The following GRM6 variants were observed in gnomAD, a reference collection of about 807,000 sequenced individuals.
GRM6 encodes the protein glutamate metabotropic receptor 6, also known as metabotropic glutamate receptor 6.
A neutral mutation model predicts 78.4 loss-of-function variants in GRM6; 73 were observed. The observed-to-expected ratio is 0.93, with a 90% confidence interval of 0.77 to 1.13. The LOEUF (loss-of-function observed/expected upper bound fraction) is 1.13. Ranked by LOEUF, GRM6 falls within the 50% of genes most tolerant of loss-of-function variation. GRM6 has a pLI of 0.00. For missense variants in GRM6, 1,251 were observed against 1,256.4 expected (o/e 1.00, Z 0.07); for synonymous variants, 580 against 555.0 (o/e 1.05, Z -0.63).
At position 178,986,463 on chromosome 5, in the gene GRM6, G is replaced by C; in HGVS notation, c.1791C>G (p.Ile597Met). ...APPLLLAVLGIVATTTVVATF... is the reference protein window; with the variant it reads ...APPLLLAVLGMVATTTVVATF... ...TGGCCACCACCGTGGTAGTGGCCAC[G>C]ATGCCCAGCACGGCCAGGAGGAGCG... The change falls in exon 9 of 11, where the codon ATC (isoleucine) becomes ATG (methionine). Residue 597 changes from isoleucine to methionine, a missense_variant. Ile to Met is a conservative substitution (Grantham distance 10). Coordinates refer to ENST00000517717, the MANE Select transcript of GRM6 (RefSeq NM_000843.4). The C allele has an allele frequency of 1.2e-6, 2 of 1,612,600 alleles. No homozygotes were observed. The highest frequency in any genetic ancestry group is 1.1e-5 in the South Asian group (1 of 91,048).
At chr5:178,983,604 G>A (rs1157079649) in intron 9 of GRM6, 1 of 404,352 alleles carries the variant, frequency 2.5e-6, no homozygotes, top group Non-Finnish European at 4.9e-6. Flanking sequence ...CTCTGGAACT[G>A]AGGCCCTACT....
Position 178,994,831 on chromosome 5 carries a change from G to A in GRM6, c.114C>T (p.Gly38=). The A allele has an allele frequency of 8.1e-7, 1 of 1,233,280 alleles. No homozygotes were observed. The highest frequency in any genetic ancestry group is 2.9e-5 in the South Asian group (1 of 35,064). 76.4% of individuals were successfully genotyped at this position (1,233,280 alleles called of 1,614,324 possible). A position where few individuals can be genotyped will look rare whatever the true frequency, so the allele number is the denominator to read the frequency against. The change falls in exon 2 of 11, where the codon GGC becomes GGT. Residue 38 remains glycine, a synonymous_variant. Coordinates refer to ENST00000517717, the MANE Select transcript of GRM6 (RefSeq NM_000843.4). ...RAAGSVRLAG[G]LTLGGLFPVH... ...CCGGGAACAGGCCGCCCAGCGTCAG[G>A]CCGCCCGCCAGGCGCACAGAGCCCG... is the stretch of plus-strand genomic sequence containing the variant.
In GRM6 at chr5:178,991,807, A is replaced by T. The variant is rs560337849; in HGVS notation, c.721+60T>A. ...CCCCCATCTTTCTGCTTCTGCCCCAACTGAGGGCCCCGGGCCCACACTATG... is the reference window on the plus strand; with the variant it reads ...CCCCCATCTTTCTGCTTCTGCCCCATCTGAGGGCCCCGGGCCCACACTATG... On this transcript the variant is annotated intron_variant, in intron 3 of 10. Coordinates refer to ENST00000517717, the MANE Select transcript of GRM6 (RefSeq NM_000843.4). The surrounding 1 kb of genome is among the most constrained non-coding windows in gnomAD (Gnocchi z 5.0). The T allele has an allele frequency of 6.9e-7, 1 of 1,444,822 alleles. No homozygotes were observed. The highest frequency in any genetic ancestry group is 2.3e-5 in the East Asian group (1 of 42,618). 89.5% of individuals were successfully genotyped at this position (1,444,822 alleles called of 1,614,324 possible). A position where few individuals can be genotyped will look rare whatever the true frequency, so the allele number is the denominator to read the frequency against.
intron 10 of GRM6, among the ~76,000 whole-genome samples, chr5:178,982,103 G>A (rs191922065): frequency 7.9e-5 from 12 of 152,300 alleles, no homozygotes; most frequent in East Asian, 1.9e-4. Context: ...CTGGGGAAGC[G>A]GGAGCCGGGG....
At chr5:178,985,595 C>A (rs188943932) in intron 9 of GRM6, 39 of 347,072 alleles carry the variant, frequency 1.1e-4, no homozygotes, top group Admixed American at 3.6e-4. Context: ...CCCAGCTACT[C>A]GGGAGGCTGA....
chr5:178,991,730 C>T lies in GRM6; in HGVS notation c.721+137G>A. 1 of 1,114,052 alleles carries T rather than the reference C, an allele frequency of 9.0e-7. No individual in the cohort carries two copies. The highest frequency in any genetic ancestry group is 1.3e-6 in the Non-Finnish European group (1 of 742,508). The allele number at this position is 1,114,052 out of a possible 1,614,324, so 69.0% of individuals were successfully genotyped here. ...CTGAGTCGTCCAAAACAAAGAGGTCCCGCCCACATGGAGCACCAGCCAGGC... is the reference window on the plus strand; with the variant it reads ...CTGAGTCGTCCAAAACAAAGAGGTCTCGCCCACATGGAGCACCAGCCAGGC... On this transcript the variant is annotated intron_variant, in intron 3 of 10. Coordinates refer to ENST00000517717, the MANE Select transcript of GRM6 (RefSeq NM_000843.4). This position sits in a 1 kb window ranked among gnomAD's most constrained non-coding sequence, Gnocchi z 5.0.
At position 178,982,855 on chromosome 5, in the gene GRM6, C is replaced by T. The variant is rs2071248; in HGVS notation, c.2436+55G>A. 0.4 allele frequency: 503,231 copies of T among 1,266,714 alleles called. 101,787 individuals carry two copies. The highest frequency in any genetic ancestry group is 0.62 in the East Asian group (26,998 of 43,294). 78.5% of individuals were successfully genotyped at this position (1,266,714 alleles called of 1,614,324 possible). A position where few individuals can be genotyped will look rare whatever the true frequency, so the allele number is the denominator to read the frequency against. On this transcript the variant is annotated intron_variant, in intron 10 of 10. Coordinates refer to ENST00000517717, the MANE Select transcript of GRM6 (RefSeq NM_000843.4). ...CAAGCATTTAATCTCATGAATGAAT[C>T]GACCAGCCTGACAGGCAGGAAACAG... is the stretch of plus-strand genomic sequence containing the variant.
intron 9 of GRM6, chr5:178,985,620 G>T (rs562122001): frequency 8.8e-5 from 32 of 361,776 alleles, no homozygotes; most frequent in Non-Finnish European, 1.1e-4. Flanking sequence ...GGAGAATGGC[G>T]TGAACCCGGA....
Position 178,994,906 on chromosome 5 carries a change from C to A in GRM6, c.39G>T (p.Val13=). ...RPRRAREPLL[V]ALLPLAWLAQ... ...CCAGCCACGCCAGCGGCAGCAGCGC[C>A]ACGAGCAGCGGCTCCCGGGCTCTCC... is the stretch of plus-strand genomic sequence containing the variant. Residue 13 remains valine (V), a synonymous_variant, in exon 2 of 11, where the codon GTG becomes GTT. Transcript: ENST00000517717. 1 of 1,209,546 alleles carries A rather than the reference C, an allele frequency of 8.3e-7. No individual in the cohort carries two copies. Among genetic ancestry groups the A allele is most frequent in the Non-Finnish European group, 1.0e-6 (1 of 971,794 alleles). The allele number at this position is 1,209,546 out of a possible 1,614,324, so 74.9% of individuals were successfully genotyped here.
At chr5:178,987,673 T>C (rs924820442) in intron 7 of GRM6, among the ~76,000 whole-genome samples, 2 of 152,036 alleles carry the variant, frequency 1.3e-5, no homozygotes, top group African/African-American at 4.8e-5. Context: ...GATGGGGAAG[T>C]GTTTAATGCA....
In GRM6 at chr5:178,978,992, T is replaced by A. The variant is rs112407850; in HGVS notation, c.*2665A>T. ...AGAGGCTAGGTGCGATGGCTCACGT[T>A]TGTAATCCGAACACTTTGGGAGGTG... is the stretch of plus-strand genomic sequence containing the variant. On this transcript the variant is annotated 3_prime_UTR_variant, in exon 11 of 11. Transcript: ENST00000517717. 0.019 allele frequency: 2,819 copies of A among 152,290 alleles called. 95 individuals carry two copies. The highest frequency in any genetic ancestry group is 0.064 in the African/African-American group (2,652 of 41,536). The allele number at this position is 152,290 out of a possible 1,614,324, so 9.4% of individuals were successfully genotyped here.
chr5:178,993,039 C>T (rs1204275859), intron 2 of GRM6, among the ~76,000 whole-genome samples: 1 of 152,122 alleles, frequency 6.6e-6, no homozygotes, highest in Admixed American at 6.5e-5. Flanking sequence ...AACAACCCTC[C>T]CATGCCCCCT....
At position 178,989,257 on chromosome 5, in the gene GRM6, G is replaced by T. The variant is rs568135812; in HGVS notation, c.1153+8C>A. 7.1e-6 allele frequency: 11 copies of T among 1,558,120 alleles called. No homozygotes were observed. The highest frequency in any genetic ancestry group is 9.6e-6 in the Non-Finnish European group (11 of 1,151,260). On this transcript the variant is annotated splice_region_variant and intron_variant, in intron 6 of 10. Transcript: ENST00000517717. The stretch of plus-strand genomic sequence containing the variant: ...CTCCCCACCCTCACCACCCTGGGCA[G>T]CTCTCACCTGTGCATTTGCGGGTGG...
chr5:178,983,029 G>C lies in GRM6; in HGVS notation c.2317C>G (p.Arg773Gly), dbSNP rs766682788. The change falls in exon 10 of 11, where the codon CGT becomes GGT. Residue 773 changes from arginine to glycine, a missense_variant. By Grantham distance (125) the Arg-to-Gly change is moderately radical. Transcript: ENST00000517717. ...TCGTTGAAGGTCTCGGGCACGCCAC[G>C]GGCCTTGATGGCGTACACTGTGCAC... ...VTCTVYAIKA[R>G]GVPETFNEAK... 1 of 1,613,836 alleles carries C rather than the reference G, an allele frequency of 6.2e-7. No homozygotes were observed. Among genetic ancestry groups the C allele is most frequent in the Non-Finnish European group, 8.5e-7 (1 of 1,179,752 alleles).
chr5:178,991,382 A>AG lies in GRM6; in HGVS notation c.857+41dup. The AG allele has an allele frequency of 1.3e-6, 2 of 1,593,822 alleles. No individual in the cohort carries two copies. The highest frequency in any genetic ancestry group is 1.7e-6 in the Non-Finnish European group (2 of 1,161,992). ...GTGCAAGAGGAGGGGTGGGACCCTC[A>AG]GGGAGAGCCCCAGGGGCCCGGTGAT... On this transcript the variant is annotated intron_variant, in intron 4 of 10. Coordinates refer to ENST00000517717, the MANE Select transcript of GRM6 (RefSeq NM_000843.4). The surrounding 1 kb of genome is among the most constrained non-coding windows in gnomAD (Gnocchi z 5.0).
chr5:178,991,359 G>A lies in GRM6; in HGVS notation c.857+65C>T, dbSNP rs1180724220. ...GGGAGAGTGTGTAAGGTGGCGATGTGCAAGAGGAGGGGTGGGACCCTCAGG... is the reference window on the plus strand; with the variant it reads ...GGGAGAGTGTGTAAGGTGGCGATGTACAAGAGGAGGGGTGGGACCCTCAGG... On this transcript the variant is annotated intron_variant, in intron 4 of 10. Transcript: ENST00000517717. The surrounding 1 kb of genome is among the most constrained non-coding windows in gnomAD (Gnocchi z 5.0). The A allele has an allele frequency of 6.8e-7, 1 of 1,471,796 alleles. No individual in the cohort carries two copies. The highest frequency in any genetic ancestry group is 1.4e-5 in the African/African-American group (1 of 72,140). The allele number at this position is 1,471,796 out of a possible 1,614,324, so 91.2% of individuals were successfully genotyped here. A position where few individuals can be genotyped will look rare whatever the true frequency, so the allele number is the denominator to read the frequency against.
At chr5:178,985,473 G>A (rs972711555) in intron 9 of GRM6, among the ~76,000 whole-genome samples, 8 of 151,728 alleles carry the variant, frequency 5.3e-5, no homozygotes, top group Non-Finnish European at 8.8e-5. Flanking sequence ...GGAGGCCGAG[G>A]TGGGCGGATC....
At position 178,988,042 on chromosome 5, in the gene GRM6, G is replaced by A. The variant is rs928659637; in HGVS notation, c.1354+893C>T. Among the ~76,000 whole-genome samples the A allele has an allele frequency of 6.6e-6, 1 of 152,152 alleles. No homozygotes were observed. Among genetic ancestry groups the A allele is most frequent in the Non-Finnish European group, 1.5e-5 (1 of 68,042 alleles). On this transcript the variant is annotated intron_variant, in intron 7 of 10. Transcript: ENST00000517717. The surrounding 1 kb of genome is among the most constrained non-coding windows in gnomAD (Gnocchi z 6.0). Reference sequence around the variant, plus strand: ...CCCAAAGTGCTCAGATTACAGGAGTGAGCCATTGCGCCCAGACTGAATGTA... The same window carrying A: ...CCCAAAGTGCTCAGATTACAGGAGTAAGCCATTGCGCCCAGACTGAATGTA...
chr5:178,990,263 G>A (rs1178367960), intron 5 of GRM6: 15 of 380,202 alleles, frequency 3.9e-5, no homozygotes, highest in South Asian at 1.8e-4. Context: ...GGTATATTCC[G>A]TATCCTTGGT....
Sources: gnomAD v4.1 joint callset for allele counts (sites outside exome capture counted in the v4.1 genomes callset) on GRCh38, gnomAD v4.1.1 for gene constraint, Gnocchi (gnomAD v3.1) non-coding constraint, MANE v1.5 for transcripts, NCBI Gene and HGNC (gene_info 2026-07-23, HGNC 2026-07-21) for gene names.